ARHGAP6: variants seen among roughly 807,000 people sequenced by gnomAD.
ARHGAP6 encodes rho GTPase-activating protein 6.
Under a neutral mutation model 55.7 loss-of-function variants are expected in ARHGAP6, and 16 were observed. The observed-to-expected ratio is 0.29, with a 90% confidence interval of 0.19 to 0.44. The LOEUF (loss-of-function observed/expected upper bound fraction) is 0.44, where lower values mean the gene tolerates loss of function less well. ARHGAP6 is among the 20% of genes least tolerant of loss of function. The probability of loss-of-function intolerance (pLI) is 1.00; values close to 1 mark genes in which losing one functional copy is unlikely to be tolerated. For synonymous variants in ARHGAP6, 382 were observed against 360.9 expected (o/e 1.06, Z -0.66); for missense variants, 698 against 808.9 (o/e 0.86, Z 1.66).
chrX:11,341,709 C>T (rs1379999570), intron 1 of ARHGAP6, among the ~76,000 whole-genome samples: 1 of 111,956 alleles, frequency 8.9e-6, no homozygotes, highest in Non-Finnish European at 1.9e-5. Flanking sequence ...CACAGCTGAA[C>T]AATGTTTCTT....
chrX:11,649,552 T>C, intron 1 of ARHGAP6, among the ~76,000 whole-genome samples: 1 of 111,634 alleles, frequency 9.0e-6, no homozygotes, highest in Non-Finnish European at 1.9e-5. Flanking sequence ...CCCATTTCAT[T>C]ATCCCTTTTT....
chrX:11,581,398 A>C (rs1269178874), intron 1 of ARHGAP6, among the ~76,000 whole-genome samples: 1 of 111,886 alleles, frequency 8.9e-6, no homozygotes, highest in African/African-American at 3.3e-5. Context: ...ATATAACCTA[A>C]CAATTCCACT....
chrX:11,192,618 T>C (rs1257500807), intron 3 of ARHGAP6, among the ~76,000 whole-genome samples: 1 of 112,722 alleles, frequency 8.9e-6, no homozygotes, highest in African/African-American at 3.2e-5. Flanking sequence ...GCTATTTGTA[T>C]ATAGTGTTAC....
At chrX:11,586,209 G>T (rs1388304178) in intron 1 of ARHGAP6, among the ~76,000 whole-genome samples, 1 of 111,997 alleles carries the variant, frequency 8.9e-6, no homozygotes, top group African/African-American at 3.2e-5. Context: ...TGCTTTTGTT[G>T]TGATTGCTTT....
At chrX:11,296,844 T>A in intron 1 of ARHGAP6, 1 of 1,206,450 alleles carries the variant, frequency 8.3e-7, no homozygotes, top group Non-Finnish European at 1.1e-6. Flanking sequence ...TTCTCTTTAC[T>A]AATTTTGACC....
intron 1 of ARHGAP6, among the ~76,000 whole-genome samples, chrX:11,359,689 A>C (rs1326756026): frequency 8.9e-6 from 1 of 112,033 alleles, no homozygotes; most frequent in Non-Finnish European, 1.9e-5. Flanking sequence ...GACACAAAAA[A>C]CCCTTCAAAA....
At chrX:11,351,370 G>A (rs2048861683) in intron 1 of ARHGAP6, 1 of 966,009 alleles carries the variant, frequency 1.0e-6, no homozygotes, top group African/African-American at 2.0e-5. Context: ...ACGTGACCTA[G>A]AAACACCCAA....
intron 1 of ARHGAP6, among the ~76,000 whole-genome samples, chrX:11,391,445 C>T (rs1394831831): frequency 9.2e-6 from 1 of 108,288 alleles, no homozygotes; most frequent in African/African-American, 3.4e-5. Context: ...CACATGTACC[C>T]TAGAACTTAA....
chrX:11,176,252 TA>T (rs778702268), intron 8 of ARHGAP6, among the ~76,000 whole-genome samples: 2,843 of 68,315 alleles, frequency 0.042, 282 homozygotes, highest in African/African-American at 0.14. Context: ...TATATATATA[TA>T]TATATATATA....
chrX:11,577,344 G>A (rs1794865407), intron 1 of ARHGAP6, among the ~76,000 whole-genome samples: 2 of 112,032 alleles, frequency 1.8e-5, no homozygotes, highest in Non-Finnish European at 3.8e-5. Flanking sequence ...AGGAAACTGG[G>A]ACTCAGCCCT....
intron 3 of ARHGAP6, among the ~76,000 whole-genome samples, chrX:11,190,462 T>TAC (rs1320885009): frequency 9.3e-5 from 6 of 64,619 alleles, no homozygotes; most frequent in Admixed American, 7.3e-4. Flanking sequence ...CCTGAGGAGA[T>TAC]ATATATATAT....
At chrX:11,619,662 G>A (rs2052205385) in intron 1 of ARHGAP6, among the ~76,000 whole-genome samples, 2 of 111,924 alleles carry the variant, frequency 1.8e-5, no homozygotes, top group Middle Eastern at 4.2e-3. Flanking sequence ...ATCTGTGTGT[G>A]ACAAAGAGTA....
intron 10 of ARHGAP6, chrX:11,148,691 G>A (rs755315075): frequency 5.9e-5 from 22 of 373,328 alleles, no homozygotes; most frequent in Admixed American, 5.1e-4. Context: ...GGGCAGGCCT[G>A]CACTGCAGCC....
At chrX:11,146,487 T>G (rs971201031) in intron 10 of ARHGAP6, among the ~76,000 whole-genome samples, 4 of 112,278 alleles carry the variant, frequency 3.6e-5, no homozygotes, top group Non-Finnish European at 7.5e-5. Flanking sequence ...TTTTCACAGT[T>G]TCCCCACCCC....
intron 1 of ARHGAP6, among the ~76,000 whole-genome samples, chrX:11,547,630 T>C (rs1420072314): frequency 8.9e-6 from 1 of 111,878 alleles, no homozygotes; most frequent in Non-Finnish European, 1.9e-5. Flanking sequence ...ATATTTCTAT[T>C]TCTGTGCTCC....
chrX:11,284,568 C>T (rs1159893890), intron 1 of ARHGAP6, among the ~76,000 whole-genome samples: 1 of 112,017 alleles, frequency 8.9e-6, no homozygotes, highest in African/African-American at 3.2e-5. Context: ...ATCTTTGGAA[C>T]ACCAAAGTAT....
chrX:11,428,600 G>A (rs2049913298), intron 1 of ARHGAP6, among the ~76,000 whole-genome samples: 1 of 111,780 alleles, frequency 8.9e-6, no homozygotes, highest in South Asian at 3.8e-4. Context: ...CCCCAGAGGG[G>A]TGGCTACAAA....
Position 11,138,584 on chromosome X carries a change from A to G in ARHGAP6, c.*279T>C, listed in dbSNP as rs1269776257. The G allele has an allele frequency of 1.3e-5, 5 of 386,087 alleles. No individual in the cohort carries two copies. Among genetic ancestry groups the G allele is most frequent in the Non-Finnish European group, 1.3e-5 (3 of 224,705 alleles). The allele number at this position is 386,087 out of a possible 1,213,427, so 31.8% of individuals were successfully genotyped here. On this transcript the variant is annotated 3_prime_UTR_variant, in exon 13 of 13. Transcript: ENST00000337414. ...TTAGGCTATACCAAGCAAGAGTTGT[A>G]TCTTATATTATAGAGCCAAGAGGGA... is the stretch of plus-strand genomic sequence containing the variant.
chrX:11,270,011 A>G (rs1341497022), intron 1 of ARHGAP6, among the ~76,000 whole-genome samples: 1 of 112,153 alleles, frequency 8.9e-6, no homozygotes, highest in East Asian at 2.8e-4. Context: ...AAGAACAACT[A>G]AAATTTACTG....
Sources: gnomAD v4.1 joint callset for allele counts (sites outside exome capture counted in the v4.1 genomes callset) on GRCh38, gnomAD v4.1.1 for gene constraint, MANE v1.5 for transcripts, NCBI Gene and HGNC (gene_info 2026-07-23, HGNC 2026-07-21) for gene names.